The following HEATR4 variants were observed in gnomAD, a reference collection of about 807,000 sequenced individuals.
HEATR4 encodes the protein HEAT repeat containing 4.
A neutral mutation model predicts 108.8 loss-of-function variants in HEATR4; 95 were observed. The ratio of observed to expected loss-of-function variants is 0.87; its 90% CI spans 0.74 to 1.04. HEATR4 has a LOEUF of 1.04. Ranked by LOEUF, HEATR4 falls within the 50% of genes least tolerant of loss-of-function variation. The probability of loss-of-function intolerance (pLI) is 0.00; values close to 1 mark genes in which losing one functional copy is unlikely to be tolerated. For missense variants in HEATR4, 1,152 were observed against 1,253.8 expected, an observed-to-expected ratio of 0.92 and a Z score of 1.23; for synonymous variants, 443 against 459.4, an observed-to-expected ratio of 0.96 and a Z score of 0.46.
the HEATR4 span, chr14:73,595,380 G>C: frequency 6.2e-7 from 1 of 1,614,262 alleles, no homozygotes; most frequent in Non-Finnish European, 8.5e-7. Flanking sequence ...AACTGGAGAA[G>C]TGAGTTGTAT....
At chr14:73,561,547 C>T (rs1356478312), upstream of HEATR4, among the ~76,000 whole-genome samples, 4 of 151,718 alleles carry the variant, frequency 2.6e-5, no homozygotes, top group African/African-American at 9.7e-5. Context: ...ATTAGCTGGG[C>T]ATGGTGGCAC....
intron 2 of HEATR4, among the ~76,000 whole-genome samples, chr14:73,524,671 T>C (rs1005434451): frequency 6.7e-6 from 1 of 150,094 alleles, no homozygotes; most frequent in Non-Finnish European, 1.5e-5. Context: ...TCTAGCCTAC[T>C]AGATCACAAC....
Position 73,478,751 on chromosome 14 carries a change from T to TCA in HEATR4, c.2935_2936insTG (p.Asp979ValfsTer?). 1 of 1,614,056 alleles carries TCA rather than the reference T, an allele frequency of 6.2e-7. No individual in the cohort carries two copies. ...CCTTTTCTCGGGGGAGGTGCGTAGA[T>TCA]CTTTGACAAGTGATGAACGAACTTT... is the stretch of plus-strand genomic sequence containing the variant. On this transcript the variant is annotated frameshift_variant, in exon 18 of 18. Transcript: ENST00000553558. LOFTEE classifies it high-confidence loss of function.
At chr14:73,595,240 A>C in the HEATR4 span, 4 of 1,614,226 alleles carry the variant, frequency 2.5e-6, no homozygotes, top group Non-Finnish European at 3.4e-6. Context: ...GAATCAAGGT[A>C]GCTTTCTCAG....
the HEATR4 span, chr14:73,593,835 C>G: frequency 6.2e-7 from 1 of 1,614,052 alleles, no homozygotes; most frequent in Non-Finnish European, 8.5e-7. Flanking sequence ...AAGATCTCCC[C>G]AATAACATGG....
chr14:73,629,009 A>C, the HEATR4 span, among the ~76,000 whole-genome samples: 108,839 of 150,560 alleles, frequency 0.72, 39,547 homozygotes, highest in East Asian at 0.9. Flanking sequence ...GAGCCGAGAT[A>C]ACGCCACTGC....
At chr14:73,618,158 C>T in the HEATR4 span, among the ~76,000 whole-genome samples, 1 of 151,820 alleles carries the variant, frequency 6.6e-6, no homozygotes, top group Non-Finnish European at 1.5e-5. Context: ...AAAAACCCAA[C>T]AACAACAACG....
At chr14:73,577,326 C>G in the HEATR4 span, among the ~76,000 whole-genome samples, 1 of 134,602 alleles carries the variant, frequency 7.4e-6, no homozygotes, top group Non-Finnish European at 1.6e-5. Flanking sequence ...ATGAAGCTAC[C>G]TCCTGTGTTA....
At chr14:73,576,198 AC>A in the HEATR4 span, among the ~76,000 whole-genome samples, 1 of 151,892 alleles carries the variant, frequency 6.6e-6, no homozygotes, top group Admixed American at 6.6e-5. Context: ...TTAAATGATT[AC>A]CTACTGTGGA....
the HEATR4 span, among the ~76,000 whole-genome samples, chr14:73,577,047 C>T: frequency 2.7e-5 from 4 of 149,830 alleles, no homozygotes; most frequent in South Asian, 2.1e-4. Context: ...TCTCCCACCT[C>T]GGCCTCCCTA....
chr14:73,616,144 T>C, the HEATR4 span, among the ~76,000 whole-genome samples: 1 of 152,088 alleles, frequency 6.6e-6, no homozygotes, highest in Non-Finnish European at 1.5e-5. Context: ...TTTTTTAAAC[T>C]TTTTTGTAGA....
chr14:73,489,939 G>A (rs542588011), intron 17 of HEATR4, among the ~76,000 whole-genome samples: 20 of 152,312 alleles, frequency 1.3e-4, no homozygotes, highest in Non-Finnish European at 2.4e-4. Context: ...AAGTTTCTGC[G>A]GAACTCAAAC....
At chr14:73,560,458 T>G (rs1889508060), upstream of HEATR4, among the ~76,000 whole-genome samples, 1 of 151,770 alleles carries the variant, frequency 6.6e-6, no homozygotes, top group South Asian at 2.1e-4. Context: ...GTCAGGAGAT[T>G]TAAACCATCC....
the HEATR4 span, chr14:73,569,958 G>C: frequency 6.7e-7 from 1 of 1,503,066 alleles, no homozygotes. Context: ...CACGCTTTTC[G>C]CTTATGTGTA....
intron 17 of HEATR4, among the ~76,000 whole-genome samples, chr14:73,484,811 GACACACACACACACACACACAGACACAC>G (rs1210973363): frequency 6.8e-6 from 1 of 147,516 alleles, no homozygotes; most frequent in Non-Finnish European, 1.5e-5. Flanking sequence ...TATGCAGGCA[GACACACACACACACACACACAGACACAC>G]ACACACACAC....
chr14:73,592,278 G>A, the HEATR4 span: 2 of 1,612,654 alleles, frequency 1.2e-6, no homozygotes, highest in African/African-American at 2.7e-5. Flanking sequence ...CGTGGAGTTG[G>A]AGGTGCTGGA....
the HEATR4 span, among the ~76,000 whole-genome samples, chr14:73,633,007 C>CTTTTT: frequency 9.8e-3 from 1,197 of 122,040 alleles, 42 homozygotes; most frequent in African/African-American, 0.037. Flanking sequence ...CTCTCTCTCT[C>CTTTTT]TTTTTTTTTT....
At chr14:73,494,861 A>C (rs1595088303) in intron 16 of HEATR4, among the ~76,000 whole-genome samples, 1 of 152,156 alleles carries the variant, frequency 6.6e-6, no homozygotes, top group African/African-American at 2.4e-5. Flanking sequence ...ACGCCCAACC[A>C]CCAACCACTA....
rs987980375 is a variant in HEATR4 at position 73,523,160 on chromosome 14, C to T, written c.-8G>A. On this transcript the variant is annotated 5_prime_UTR_variant, in exon 3 of 18. Coordinates refer to ENST00000553558, the MANE Select transcript of HEATR4 (RefSeq NM_001220484.1). ...CTTCTGGGTCCTGGTCATACCGCGT[C>T]CCAGCAAATGCTTCCTTCCACACTG... 51 of 1,567,472 alleles carry T rather than the reference C, an allele frequency of 3.3e-5. No individual in the cohort carries two copies. Among genetic ancestry groups the T allele is most frequent in the Non-Finnish European group, 4.0e-5 (47 of 1,162,944 alleles).
Sources: gnomAD v4.1 joint callset for allele counts (sites outside exome capture counted in the v4.1 genomes callset) on GRCh38, gnomAD v4.1.1 for gene constraint, MANE v1.5 for transcripts, NCBI Gene and HGNC (gene_info 2026-07-23, HGNC 2026-07-21) for gene names.